Variants in AGBL4 observed in about 807,000 individuals in gnomAD.
AGBL4 encodes the protein cytosolic carboxypeptidase 6.
In AGBL4, 58 loss-of-function variants were observed where a neutral mutation model predicts 66.4. The ratio of observed to expected loss-of-function variants is 0.87; its 90% CI spans 0.71 to 1.09. AGBL4 has a LOEUF of 1.09. Ranked by LOEUF, AGBL4 falls within the 50% of genes least tolerant of loss-of-function variation. AGBL4 has a pLI of 0.00. For synonymous variants in AGBL4, 234 were observed against 222.9 expected (o/e 1.05, Z -0.44); for missense variants, 579 against 631.0 (o/e 0.92, Z 0.88).
intron 3 of AGBL4, among the ~76,000 whole-genome samples, chr1:49,600,822 C>A (rs762192265): frequency 1.3e-5 from 2 of 152,184 alleles, no homozygotes; most frequent in African/African-American, 4.8e-5. Flanking sequence ...CAAAATCTCT[C>A]AGCATTTACT....
chr1:49,775,838 G>A (rs1236281006), intron 2 of AGBL4, among the ~76,000 whole-genome samples: 1 of 152,052 alleles, frequency 6.6e-6, no homozygotes. Context: ...AGTATATTAT[G>A]AGGGGAAAAG....
intron 7 of AGBL4, among the ~76,000 whole-genome samples, chr1:48,660,900 G>A (rs958938357): frequency 1.3e-5 from 2 of 152,154 alleles, no homozygotes; most frequent in Admixed American, 6.5e-5. Context: ...AGTGGGACAA[G>A]GGAACATGTA....
rs557158503 is a variant in AGBL4 at position 49,137,181 on chromosome 1, T to C, written c.378-91381A>G. ...ATCATAAAATTAAGGATCAGAGACA[T>C]TACATAATCTTAACCAAGGTCACAT... On this transcript the variant is annotated intron_variant, in intron 4 of 13. Coordinates refer to ENST00000371839, the MANE Select transcript of AGBL4 (RefSeq NM_032785.4). Among the ~76,000 whole-genome samples, 6 of 152,228 alleles carry C rather than the reference T, an allele frequency of 3.9e-5. No homozygotes were observed. The South Asian group carries it at 1.2e-3, about 32-fold the overall frequency.
chr1:48,573,726 T>G (rs1644605591), intron 11 of AGBL4, among the ~76,000 whole-genome samples: 1 of 152,098 alleles, frequency 6.6e-6, no homozygotes, highest in Admixed American at 6.6e-5. Context: ...AAACCTATAA[T>G]CCAAACAGAT....
chr1:49,717,090 A>C, intron 2 of AGBL4, among the ~76,000 whole-genome samples: 1 of 152,204 alleles, frequency 6.6e-6, no homozygotes, highest in Non-Finnish European at 1.5e-5. Context: ...CTCATGATAC[A>C]AAATCAACGT....
intron 4 of AGBL4, among the ~76,000 whole-genome samples, chr1:49,134,969 T>C (rs1377087325): frequency 6.6e-6 from 1 of 152,016 alleles, no homozygotes; most frequent in African/African-American, 2.4e-5. Context: ...TATGTGTGCA[T>C]ACATATATAC....
chr1:48,795,657 G>A (rs184217158), intron 6 of AGBL4, among the ~76,000 whole-genome samples: 190 of 152,132 alleles, frequency 1.2e-3, no homozygotes, highest in African/African-American at 4.5e-3. Context: ...TTAGTTCTAT[G>A]CAATGTTTTT....
At chr1:49,634,877 A>G (rs554153597) in intron 3 of AGBL4, among the ~76,000 whole-genome samples, 1 of 152,338 alleles carries the variant, frequency 6.6e-6, no homozygotes, top group East Asian at 1.9e-4. Context: ...AAATGAGAAG[A>G]GGCTACTTAA....
chr1:49,069,423 G>A (rs781760317), intron 4 of AGBL4, among the ~76,000 whole-genome samples: 4 of 152,030 alleles, frequency 2.6e-5, no homozygotes, highest in Admixed American at 6.6e-5. Flanking sequence ...GTGTAAGGAA[G>A]GGATCCAGTT....
chr1:48,886,572 A>C (rs1650369623), intron 5 of AGBL4, among the ~76,000 whole-genome samples: 2 of 151,878 alleles, frequency 1.3e-5, no homozygotes, highest in Non-Finnish European at 1.5e-5. Flanking sequence ...TATTTTTTTG[A>C]GGTGGAGTCT....
At chr1:49,105,785 T>C (rs1353807246) in intron 4 of AGBL4, among the ~76,000 whole-genome samples, 1 of 152,204 alleles carries the variant, frequency 6.6e-6, no homozygotes, top group Non-Finnish European at 1.5e-5. Flanking sequence ...GAGGATAAAA[T>C]GTGCAAATGT....
chr1:49,547,366 C>T (rs1449626972), intron 3 of AGBL4, among the ~76,000 whole-genome samples: 1 of 152,162 alleles, frequency 6.6e-6, no homozygotes, highest in Non-Finnish European at 1.5e-5. Flanking sequence ...GCCTATGTAC[C>T]TATTTTTATA....
intron 3 of AGBL4, among the ~76,000 whole-genome samples, chr1:49,520,881 C>T (rs1438472670): frequency 6.6e-6 from 1 of 150,922 alleles, no homozygotes; most frequent in Non-Finnish European, 1.5e-5. Context: ...ATGATCTCAG[C>T]TCACTGCAAC....
At chr1:49,058,753 G>A (rs1041052160) in intron 4 of AGBL4, among the ~76,000 whole-genome samples, 3 of 152,208 alleles carry the variant, frequency 2.0e-5, no homozygotes, top group African/African-American at 7.2e-5. Context: ...TGCCAATAGT[G>A]ATATTGACAA....
At chr1:49,464,013 T>C (rs1646571833) in intron 3 of AGBL4, among the ~76,000 whole-genome samples, 1 of 151,682 alleles carries the variant, frequency 6.6e-6, no homozygotes, top group Admixed American at 6.6e-5. Flanking sequence ...TGTTGATTAA[T>C]TTGAGTGAAT....
At chr1:48,713,425 G>C (rs1646998294) in intron 6 of AGBL4, among the ~76,000 whole-genome samples, 1 of 152,218 alleles carries the variant, frequency 6.6e-6, no homozygotes, top group Non-Finnish European at 1.5e-5. Context: ...GAGTTCATTA[G>C]TGGTGGAAAA....
chr1:49,140,550 C>G (rs1398335270), intron 4 of AGBL4, among the ~76,000 whole-genome samples: 1 of 152,212 alleles, frequency 6.6e-6, no homozygotes, highest in Non-Finnish European at 1.5e-5. Flanking sequence ...TCAACTTGCA[C>G]AGATTTCCAG....
chr1:48,841,888 A>G (rs1002467580), intron 6 of AGBL4, among the ~76,000 whole-genome samples: 4 of 152,186 alleles, frequency 2.6e-5, no homozygotes, highest in African/African-American at 9.7e-5. Context: ...TGTGAAATGC[A>G]TATTTACAGA....
At chr1:48,942,225 G>A (rs183097536) in intron 5 of AGBL4, among the ~76,000 whole-genome samples, 18 of 151,638 alleles carry the variant, frequency 1.2e-4, no homozygotes, top group Admixed American at 1.1e-3. Context: ...CCTTTGAAAA[G>A]ACAAAGGCCT....
Sources: gnomAD v4.1 joint callset for allele counts (sites outside exome capture counted in the v4.1 genomes callset) on GRCh38, gnomAD v4.1.1 for gene constraint, MANE v1.5 for transcripts, NCBI Gene and HGNC (gene_info 2026-07-23, HGNC 2026-07-21) for gene names.